CNGA1: variants seen among roughly 807,000 people sequenced by gnomAD.
CNGA1 encodes cyclic nucleotide-gated channel alpha-1.
In CNGA1, 53 loss-of-function variants were observed where a neutral mutation model predicts 69.7. The ratio of observed to expected loss-of-function variants is 0.76; its 90% confidence interval spans 0.61 to 0.96. The LOEUF is 0.96. Among genes scored for constraint, CNGA1 ranks in the 40% least tolerant of loss-of-function variants. CNGA1 has a pLI of 0.00. For missense variants in CNGA1, 739 were observed against 811.2 expected (o/e 0.91, Z 1.08); for synonymous variants, 249 against 283.5 (o/e 0.88, Z 1.22).
intron 2 of CNGA1, among the ~76,000 whole-genome samples, chr4:48,007,907 T>A (rs1423745526): frequency 6.6e-6 from 1 of 152,158 alleles, no homozygotes. Flanking sequence ...AAAACTTATA[T>A]GAGTTGAAGG....
intron 2 of CNGA1, among the ~76,000 whole-genome samples, chr4:48,001,127 CAGAT>C (rs1004572302): frequency 2.6e-5 from 4 of 151,794 alleles, no homozygotes; most frequent in African/African-American, 7.3e-5. Context: ...TAAAAAGACA[CAGAT>C]AGGTTAGATG....
intron 3 of CNGA1, among the ~76,000 whole-genome samples, chr4:47,965,829 GA>G (rs1272481720): frequency 6.6e-6 from 1 of 151,986 alleles, no homozygotes; most frequent in Non-Finnish European, 1.5e-5. Flanking sequence ...TGTAGTTTGA[GA>G]AAAAAATTTT....
rs780241363 is a variant in CNGA1 at position 47,937,466 on chromosome 4, C to T, written c.1016G>A (p.Gly339Asp). Residue 339 changes from glycine to aspartate, a missense_variant, in exon 11 of 11, where the codon GGC (glycine) becomes GAC (aspartate). Physicochemically the swap from Gly to Asp is moderately conservative, Grantham distance 94. Coordinates refer to ENST00000514170, the MANE Select transcript of CNGA1 (RefSeq NM_001379270.1). Reference protein sequence around the residue: ...VYPDINDPEFGRLARKYVYSL... With the variant: ...VYPDINDPEFDRLARKYVYSL... ...GTATACGTATTTTCTAGCCAAACGG[C>T]CAAATTCAGGATCATTAATATCAGG... 1 of 1,614,140 alleles carries T rather than the reference C, an allele frequency of 6.2e-7. No homozygotes were observed. Among genetic ancestry groups the T allele is most frequent in the East Asian group, 2.2e-5 (1 of 44,878 alleles).
chr4:47,968,097 C>T (rs1740821381), intron 3 of CNGA1, among the ~76,000 whole-genome samples: 1 of 152,110 alleles, frequency 6.6e-6, no homozygotes, highest in Non-Finnish European at 1.5e-5. Flanking sequence ...GATGAGTATG[C>T]CCCCCAACTA....
At chr4:47,948,952 C>T (rs973723308) in intron 6 of CNGA1, among the ~76,000 whole-genome samples, 2 of 152,150 alleles carry the variant, frequency 1.3e-5, no homozygotes, top group Non-Finnish European at 2.9e-5. Context: ...GCCTCAAAAC[C>T]ACCTGCAACT....
At chr4:48,000,528 C>T (rs1714622190) in intron 2 of CNGA1, among the ~76,000 whole-genome samples, 1 of 152,062 alleles carries the variant, frequency 6.6e-6, no homozygotes, top group South Asian at 2.1e-4. Flanking sequence ...TGCCACCACC[C>T]CAGCTAATTT....
At chr4:47,990,539 T>A (rs1319557423) in intron 2 of CNGA1, among the ~76,000 whole-genome samples, 1 of 152,154 alleles carries the variant, frequency 6.6e-6, no homozygotes, top group Non-Finnish European at 1.5e-5. Flanking sequence ...TAGACCTCCA[T>A]CAGTATTTCT....
chr4:47,995,585 A>G (rs953643523), intron 2 of CNGA1, among the ~76,000 whole-genome samples: 1 of 150,516 alleles, frequency 6.6e-6, no homozygotes, highest in African/African-American at 2.4e-5. Flanking sequence ...ATTGGGCTTC[A>G]TCTTTCTGTG....
At chr4:47,992,459 T>C (rs903546573) in intron 2 of CNGA1, among the ~76,000 whole-genome samples, 1 of 151,996 alleles carries the variant, frequency 6.6e-6, no homozygotes, top group East Asian at 1.9e-4. Flanking sequence ...CTTGATTTGA[T>C]TCTCAGCTTG....
chr4:47,990,258 G>A (rs1365631797), intron 2 of CNGA1, among the ~76,000 whole-genome samples: 1 of 152,036 alleles, frequency 6.6e-6, no homozygotes, highest in Non-Finnish European at 1.5e-5. Flanking sequence ...AAGCGAGTAG[G>A]AGAAATATCA....
Position 47,964,957 on chromosome 4 carries a change from C to T in CNGA1, c.-14-12254G>A, listed in dbSNP as rs560495724. 2.9e-4 allele frequency among the ~76,000 whole-genome samples: 44 copies of T among 152,100 alleles called. No individual in the cohort carries two copies. The East Asian group carries it at 8.5e-3, about 29-fold the overall frequency. On this transcript the variant is annotated intron_variant, in intron 3 of 10. Transcript: ENST00000514170. ...ATTTTGAAACTGACCACATTACTGG[C>T]CTTTACAACATTTTTTTCTAATAGT... is the stretch of plus-strand genomic sequence containing the variant.
At chr4:47,952,183 C>A (rs964070407) in intron 4 of CNGA1, among the ~76,000 whole-genome samples, 2 of 150,200 alleles carry the variant, frequency 1.3e-5, no homozygotes, top group Admixed American at 1.3e-4. Flanking sequence ...GCCAATATGG[C>A]AAAACCCTGT....
At chr4:48,013,805 G>T (rs1415178504) in intron 1 of CNGA1, among the ~76,000 whole-genome samples, 2 of 152,190 alleles carry the variant, frequency 1.3e-5, no homozygotes, top group Non-Finnish European at 2.9e-5. Flanking sequence ...AATTTTCTCA[G>T]TGATATAATT....
intron 6 of CNGA1, among the ~76,000 whole-genome samples, chr4:47,943,673 G>A (rs959230023): frequency 6.6e-6 from 1 of 152,084 alleles, no homozygotes; most frequent in Non-Finnish European, 1.5e-5. Context: ...ATAAAACCAA[G>A]GAGAAAAATT....
intron 10 of CNGA1, among the ~76,000 whole-genome samples, chr4:47,938,725 G>A (rs1224892801): frequency 6.6e-6 from 1 of 151,670 alleles, no homozygotes; most frequent in Non-Finnish European, 1.5e-5. Context: ...TTTGGTTCTT[G>A]ACCCCAGTTC....
At chr4:47,938,579 G>A (rs1463326933) in intron 10 of CNGA1, among the ~76,000 whole-genome samples, 1 of 152,058 alleles carries the variant, frequency 6.6e-6, no homozygotes, top group Admixed American at 6.5e-5. Context: ...TTTTAGTAGA[G>A]ACAGGGTTTC....
chr4:47,986,911 C>T (rs1044112764), intron 2 of CNGA1, among the ~76,000 whole-genome samples: 40 of 152,096 alleles, frequency 2.6e-4, no homozygotes, highest in Admixed American at 8.5e-4. Flanking sequence ...ATTTCATGTG[C>T]ATATATAAAA....
At chr4:48,002,942 C>T (rs541673607) in intron 2 of CNGA1, among the ~76,000 whole-genome samples, 1 of 152,106 alleles carries the variant, frequency 6.6e-6, no homozygotes, top group East Asian at 1.9e-4. Flanking sequence ...TCATTTAAAC[C>T]ATAGCCTAAA....
intron 3 of CNGA1, among the ~76,000 whole-genome samples, chr4:47,976,747 C>T (rs150958926): frequency 4.6e-5 from 7 of 152,254 alleles, no homozygotes; most frequent in Non-Finnish European, 8.8e-5. Flanking sequence ...TTTTGCTTCT[C>T]AACATTTGTT....
Sources: gnomAD v4.1 joint callset for allele counts (sites outside exome capture counted in the v4.1 genomes callset) on GRCh38, gnomAD v4.1.1 for gene constraint, MANE v1.5 for transcripts, NCBI Gene and HGNC (gene_info 2026-07-23, HGNC 2026-07-21) for gene names.